Variants in UNC5D observed in about 807,000 individuals in gnomAD.
UNC5D encodes the protein unc-5 netrin receptor D.
Under a neutral mutation model 105.4 loss-of-function variants are expected in UNC5D, and 39 were observed. The ratio of observed to expected loss-of-function variants is 0.37; its 90% CI spans 0.29 to 0.48. The LOEUF is 0.48. UNC5D is among the 20% of genes least tolerant of loss of function. The probability of loss-of-function intolerance (pLI) is 0.98; values close to 1 mark genes in which losing one functional copy is unlikely to be tolerated. For synonymous variants in UNC5D, 452 were observed against 450.4 expected (o/e 1.00, Z -0.04); for missense variants, 991 against 1,202.4 (o/e 0.82, Z 2.60).
intron 1 of UNC5D, among the ~76,000 whole-genome samples, chr8:35,311,391 G>A (rs1008645319): frequency 3.4e-4 from 52 of 152,288 alleles, no homozygotes; most frequent in African/African-American, 1.2e-3. Flanking sequence ...TTCAGGCTCA[G>A]ATGCTGGACA....
intron 1 of UNC5D, among the ~76,000 whole-genome samples, chr8:35,314,815 G>A (rs1809162730): frequency 6.6e-6 from 1 of 152,088 alleles, no homozygotes; most frequent in South Asian, 2.1e-4. Flanking sequence ...TGGTGTAGGT[G>A]GCAAATCTAT....
chr8:35,448,064 T>C (rs999286508), intron 1 of UNC5D, among the ~76,000 whole-genome samples: 5 of 152,120 alleles, frequency 3.3e-5, no homozygotes, highest in Admixed American at 2.6e-4. Context: ...CAGAATTTTC[T>C]AGCTGCAGCA....
Position 35,790,859 on chromosome 8 carries a change from A to G in UNC5D, c.*296A>G. 2.3e-6 allele frequency: 1 copy of G among 432,604 alleles called. No homozygotes were observed. Among genetic ancestry groups the G allele is most frequent in the Non-Finnish European group, 4.2e-6 (1 of 237,380 alleles). The allele number at this position is 432,604 out of a possible 1,614,324, so 26.8% of individuals were successfully genotyped here. A position where few individuals can be genotyped will look rare whatever the true frequency, so the allele number is the denominator to read the frequency against. On this transcript the variant is annotated 3_prime_UTR_variant, in exon 17 of 17. Transcript: ENST00000404895. The stretch of plus-strand genomic sequence containing the variant: ...TGAGGGCAGAAGTAGCTGTGGGAAA[A>G]GATGAGCTATGATAATGCTGGGAAG...
At chr8:35,775,375 G>C (rs746782176) in intron 16 of UNC5D, among the ~76,000 whole-genome samples, 2 of 152,176 alleles carry the variant, frequency 1.3e-5, no homozygotes, top group African/African-American at 4.8e-5. Context: ...GAGTAGAATA[G>C]AGAGATCCAT....
chr8:35,473,700 C>G (rs1809894778), intron 1 of UNC5D, among the ~76,000 whole-genome samples: 1 of 152,012 alleles, frequency 6.6e-6, no homozygotes, highest in African/African-American at 2.4e-5. Context: ...TGTTTTGAGG[C>G]ATTAAGTAAA....
intron 4 of UNC5D, among the ~76,000 whole-genome samples, chr8:35,638,120 T>A (rs1822491258): frequency 6.6e-6 from 1 of 152,212 alleles, no homozygotes; most frequent in African/African-American, 2.4e-5. Flanking sequence ...AAAAGGCAAT[T>A]ATTTGCTTTT....
At position 35,371,083 on chromosome 8, in the gene UNC5D, G is replaced by A. The variant is rs142041520; in HGVS notation, c.103+135196G>A. ...CAAATAATTTACTGGGCATAGTAGT[G>A]TGTGCTTTAGTCGTAGCTACTTGGG... On this transcript the variant is annotated intron_variant, in intron 1 of 16. Transcript: ENST00000404895. Among the ~76,000 whole-genome samples the A allele has an allele frequency of 3.7e-3, 570 of 152,112 alleles. 4 individuals carry two copies. Among genetic ancestry groups the A allele is most frequent in the African/African-American group, 0.013 (555 of 41,488 alleles).
chr8:35,700,251 A>G (rs1439281461), intron 7 of UNC5D, among the ~76,000 whole-genome samples: 1 of 152,130 alleles, frequency 6.6e-6, no homozygotes, highest in African/African-American at 2.4e-5. Context: ...ACTGATAATC[A>G]ATAACCTCAA....
At chr8:35,622,322 C>T (rs1165062483) in intron 4 of UNC5D, among the ~76,000 whole-genome samples, 1 of 152,020 alleles carries the variant, frequency 6.6e-6, no homozygotes, top group Non-Finnish European at 1.5e-5. Context: ...AGCCTGGCAA[C>T]AGAGAGGGAG....
intron 8 of UNC5D, among the ~76,000 whole-genome samples, chr8:35,719,834 C>A (rs1828478840): frequency 6.6e-6 from 1 of 152,096 alleles, no homozygotes; most frequent in African/African-American, 2.4e-5. Context: ...TCAGGTTGAG[C>A]CTTAGGGAGC....
At chr8:35,630,507 C>A (rs1402824650) in intron 4 of UNC5D, among the ~76,000 whole-genome samples, 7 of 152,282 alleles carry the variant, frequency 4.6e-5, no homozygotes, top group African/African-American at 1.7e-4. Flanking sequence ...GCAGTGGTGT[C>A]CTTTTCTCTC....
chr8:35,424,433 C>A (rs1759847618), intron 1 of UNC5D, among the ~76,000 whole-genome samples: 1 of 152,192 alleles, frequency 6.6e-6, no homozygotes, highest in Admixed American at 6.5e-5. Context: ...TTGGACTAGT[C>A]TCATTTCAAG....
chr8:35,568,500 C>A (rs947126893), intron 3 of UNC5D, among the ~76,000 whole-genome samples: 4 of 152,196 alleles, frequency 2.6e-5, no homozygotes, highest in Admixed American at 2.6e-4. Context: ...ATGAGCCTGG[C>A]CAACATGGCA....
intron 1 of UNC5D, among the ~76,000 whole-genome samples, chr8:35,383,203 T>C (rs1397386322): frequency 6.6e-6 from 1 of 152,188 alleles, no homozygotes. Context: ...CAGCTTACCA[T>C]TGGTAAAACC....
At chr8:35,588,820 C>T (rs1307575878) in intron 3 of UNC5D, among the ~76,000 whole-genome samples, 1 of 152,156 alleles carries the variant, frequency 6.6e-6, no homozygotes, top group Non-Finnish European at 1.5e-5. Context: ...GCAGGTGGCT[C>T]ACATGAGGTC....
At chr8:35,250,526 G>T (rs922650446) in intron 1 of UNC5D, among the ~76,000 whole-genome samples, 1 of 151,878 alleles carries the variant, frequency 6.6e-6, no homozygotes, top group Non-Finnish European at 1.5e-5. Flanking sequence ...ATGGAGTCTC[G>T]CTCTGTTGCC....
Position 35,720,548 on chromosome 8 carries a change from T to A in UNC5D, c.1118-1662T>A, listed in dbSNP as rs375180686. ...TGTCCTCTGTCTGCTCTGGGAATAA[T>A]TATTCCCTCCAAGACACTTAATTGA... On this transcript the variant is annotated intron_variant, in intron 8 of 16. Coordinates refer to ENST00000404895, the MANE Select transcript of UNC5D (RefSeq NM_080872.4). Among the ~76,000 whole-genome samples the A allele has an allele frequency of 1.6e-4, 25 of 152,306 alleles. No individual in the cohort carries two copies. In the South Asian group the frequency reaches 5.2e-3, roughly 32 times the overall value.
chr8:35,394,021 C>T (rs1252954941), intron 1 of UNC5D, among the ~76,000 whole-genome samples: 1 of 151,956 alleles, frequency 6.6e-6, no homozygotes. Flanking sequence ...CTCTCTCACT[C>T]GTTTTGGTTT....
chr8:35,558,947 A>G (rs555383107), intron 2 of UNC5D, among the ~76,000 whole-genome samples: 1 of 151,902 alleles, frequency 6.6e-6, no homozygotes, highest in South Asian at 2.1e-4. Context: ...GCAGCACTGT[A>G]CTCCAGCTTG....
Sources: allele counts gnomAD v4.1 joint callset (sites outside exome capture counted in the v4.1 genomes callset), GRCh38; gene constraint gnomAD v4.1.1; transcripts MANE v1.5; gene names NCBI Gene and HGNC (gene_info 2026-07-23, HGNC 2026-07-21).